SORCS2: variants seen among roughly 807,000 people sequenced by gnomAD.
SORCS2 encodes the protein VPS10 domain-containing receptor SorCS2.
Under a neutral mutation model 141.6 loss-of-function variants are expected in SORCS2, and 100 were observed. The ratio of observed to expected loss-of-function variants is 0.71; its 90% CI spans 0.60 to 0.83. The LOEUF (loss-of-function observed/expected upper bound fraction) is 0.83, where lower values mean the gene tolerates loss of function less well. Ranked by LOEUF, SORCS2 falls within the 40% of genes least tolerant of loss-of-function variation. SORCS2 has a pLI of 0.00. For missense variants in SORCS2, 1,646 were observed against 1,560.2 expected (o/e 1.05, Z -0.93); for synonymous variants, 789 against 676.9 (o/e 1.17, Z -2.57).
chr4:7,323,363 A>G (rs1264264861), intron 1 of SORCS2, among the ~76,000 whole-genome samples: 6 of 152,162 alleles, frequency 3.9e-5, no homozygotes, highest in African/African-American at 1.4e-4. Context: ...CTTTCTGTGG[A>G]TGCTGGGATC....
At chr4:7,608,576 C>T (rs1350081437) in intron 3 of SORCS2, among the ~76,000 whole-genome samples, 1 of 152,188 alleles carries the variant, frequency 6.6e-6, no homozygotes, top group Non-Finnish European at 1.5e-5. Context: ...CACAGGCTCC[C>T]AGGAAGAGGT....
At chr4:7,401,857 C>CT (rs71173500) in intron 2 of SORCS2, among the ~76,000 whole-genome samples, 22,364 of 152,106 alleles carry the variant, frequency 0.15, 1,792 homozygotes, top group Non-Finnish European at 0.18. Context: ...GAATCCTCTC[C>CT]TTTTTGTTAG....
chr4:7,203,051 A>G (rs1727557838), intron 1 of SORCS2, among the ~76,000 whole-genome samples: 1 of 152,200 alleles, frequency 6.6e-6, no homozygotes, highest in Non-Finnish European at 1.5e-5. Flanking sequence ...TCGGTGTGGC[A>G]GGAGGACTTG....
intron 1 of SORCS2, among the ~76,000 whole-genome samples, chr4:7,341,984 C>A (rs900915541): frequency 1.3e-5 from 2 of 152,234 alleles, no homozygotes; most frequent in Non-Finnish European, 2.9e-5. Flanking sequence ...CTTTACAAAG[C>A]ACAATATTTT....
intron 2 of SORCS2, among the ~76,000 whole-genome samples, chr4:7,421,700 C>T (rs577611042): frequency 4.6e-5 from 7 of 152,278 alleles, no homozygotes; most frequent in Admixed American, 3.9e-4. Flanking sequence ...TGCACAGGCT[C>T]GGCCCTGGGG....
Position 7,664,585 on chromosome 4 carries a change from C to G in SORCS2, c.1071+114C>G. 1.4e-6 allele frequency: 1 copy of G among 719,940 alleles called. No individual in the cohort carries two copies. The highest frequency in any genetic ancestry group is 2.3e-6 in the Non-Finnish European group (1 of 433,610). 44.6% of individuals were successfully genotyped at this position (719,940 alleles called of 1,614,324 possible). ...GAGGCAATAAAACGGGTATTTCACT[C>G]TCAAATGCTACTTCGCAGGTCACGG... On this transcript the variant is annotated intron_variant, in intron 7 of 26. Transcript: ENST00000507866. This position sits in a 1 kb window ranked among gnomAD's most constrained non-coding sequence, Gnocchi z 4.7.
At chr4:7,242,937 G>A (rs909156795) in intron 1 of SORCS2, among the ~76,000 whole-genome samples, 33 of 152,346 alleles carry the variant, frequency 2.2e-4, no homozygotes, top group Middle Eastern at 3.4e-3. Context: ...GGTTGGATGG[G>A]AGGCACTGGG....
chr4:7,367,690 C>T (rs1270838617), intron 1 of SORCS2, among the ~76,000 whole-genome samples: 1 of 152,242 alleles, frequency 6.6e-6, no homozygotes, highest in African/African-American at 2.4e-5. Flanking sequence ...CCCGTGTTGG[C>T]TCCGACTCTC....
In SORCS2 at chr4:7,219,846, G is replaced by A. The variant is rs145568727; in HGVS notation, c.480+26720G>A. On this transcript the variant is annotated intron_variant, in intron 1 of 26. Coordinates refer to ENST00000507866, the MANE Select transcript of SORCS2 (RefSeq NM_020777.3). ...GCCCGCAGGGCAGGAGGACCCTGAT[G>A]TGCAGGGCACAGACCTTGCCCGCAG... Among the ~76,000 whole-genome samples, 679 of 152,262 alleles carry A rather than the reference G, an allele frequency of 4.5e-3. 6 individuals are homozygous for A. The highest frequency in any genetic ancestry group is 0.016 in the African/African-American group (658 of 41,544).
At chr4:7,475,539 C>T (rs56131995) in intron 2 of SORCS2, among the ~76,000 whole-genome samples, 19,771 of 152,252 alleles carry the variant, frequency 0.13, 1,652 homozygotes, top group Admixed American at 0.18. Context: ...ATGGCCAGCC[C>T]AGCTGCCCCC....
intron 12 of SORCS2, among the ~76,000 whole-genome samples, chr4:7,702,130 G>A (rs1725125299): frequency 6.6e-6 from 1 of 152,204 alleles, no homozygotes; most frequent in Non-Finnish European, 1.5e-5. Context: ...CACTGAGACG[G>A]ATGAGCGTGC....
At chr4:7,686,655 G>C (rs1421696548) in intron 10 of SORCS2, among the ~76,000 whole-genome samples, 1 of 152,218 alleles carries the variant, frequency 6.6e-6, no homozygotes, top group African/African-American at 2.4e-5. Context: ...GGGTTCTGGG[G>C]CTCCTGATGC....
At position 7,309,304 on chromosome 4, in the gene SORCS2, G is replaced by A. The variant is rs541434550; in HGVS notation, c.481-86984G>A. Among the ~76,000 whole-genome samples, 15 of 152,286 alleles carry A rather than the reference G, an allele frequency of 9.8e-5. No homozygotes were observed. The East Asian group carries it at 2.3e-3, about 24-fold the overall frequency. On this transcript the variant is annotated intron_variant, in intron 1 of 26. Transcript: ENST00000507866. ...TGGAGCTCAGGCTTCCTGACTTCTG[G>A]TCTCGTTTCCTAGCAACGCAGGACT...
In SORCS2 at chr4:7,688,855, G is replaced by A. The variant is rs149334568; in HGVS notation, c.1489-631G>A. 7.8e-3 allele frequency among the ~76,000 whole-genome samples: 1,185 copies of A among 152,300 alleles called. 17 individuals carry two copies. The highest frequency in any genetic ancestry group is 9.9e-3 in the Non-Finnish European group (675 of 68,008). On this transcript the variant is annotated intron_variant, in intron 10 of 26. Coordinates refer to ENST00000507866, the MANE Select transcript of SORCS2 (RefSeq NM_020777.3). ...ACCCAGTATCTCAGGCTGCCAGAGA[G>A]AGATCAGGAGGAATGGGGTCTCCAG...
chr4:7,667,272 A>C, intron 8 of SORCS2, 59 bp downstream of exon 8: 15 of 1,489,060 alleles, frequency 1.0e-5, no homozygotes, highest in Non-Finnish European at 1.3e-5. Context: ...ATCCTGACTC[A>C]TGGGGCAACA....
At chr4:7,737,242 C>T (rs1401686710) in intron 26 of SORCS2, 70 bp downstream of exon 26, 1 of 1,541,880 alleles carries the variant, frequency 6.5e-7, no homozygotes, top group East Asian at 2.5e-5. Flanking sequence ...CCCACCCCGC[C>T]CTCCCACAGG....
chr4:7,495,128 TC>T (rs1731534306), intron 2 of SORCS2, among the ~76,000 whole-genome samples: 1 of 152,198 alleles, frequency 6.6e-6, no homozygotes, highest in African/African-American at 2.4e-5. Flanking sequence ...GGTACTACAG[TC>T]AGCTTAGAAA....
Position 7,609,916 on chromosome 4 carries a change from G to A in SORCS2, c.649-28412G>A, listed in dbSNP as rs747450267. 5.3e-5 allele frequency among the ~76,000 whole-genome samples: 8 copies of A among 152,188 alleles called. No homozygotes were observed. The East Asian group carries it at 7.7e-4, about 15-fold the overall frequency. On this transcript the variant is annotated intron_variant, in intron 3 of 26. Coordinates refer to ENST00000507866, the MANE Select transcript of SORCS2 (RefSeq NM_020777.3). ...CTGCACTTTGCATTTTATTTTTAGC[G>A]AATGCAGCCGGGCACCCTATTTTCC...
At chr4:7,241,569 G>C (rs1712699195) in intron 1 of SORCS2, among the ~76,000 whole-genome samples, 1 of 152,144 alleles carries the variant, frequency 6.6e-6, no homozygotes, top group South Asian at 2.1e-4. Context: ...GGCGTCAGAT[G>C]ATGCCCCTCC....
Sources: allele counts gnomAD v4.1 joint callset (sites outside exome capture counted in the v4.1 genomes callset), GRCh38; gene constraint gnomAD v4.1.1; non-coding constraint Gnocchi (gnomAD v3.1); transcripts MANE v1.5; gene names NCBI Gene and HGNC (gene_info 2026-07-23, HGNC 2026-07-21).